Variants in HLX observed in about 807,000 individuals in gnomAD.
HLX encodes the protein H2.0 like homeobox, also known as H2.0-like homeobox protein.
HLX carries 6 observed loss-of-function variants against 27.7 expected under a neutral mutation model. The observed-to-expected ratio is 0.22, with a 90% CI of 0.12 to 0.43. HLX has a LOEUF of 0.43. HLX is among the 20% of genes least tolerant of loss of function. HLX has a pLI of 1.00. For missense variants in HLX, 666 were observed against 655.2 expected (o/e 1.02, Z -0.18); for synonymous variants, 328 against 293.8 (o/e 1.12, Z -1.19).
chr1:220,883,772 A>C, intron 3 of HLX: 1 of 186,704 alleles, frequency 5.4e-6, no homozygotes, highest in Non-Finnish European at 1.1e-5. Flanking sequence ...ATTGTAAGCA[A>C]TATCTTGGGC....
At position 220,879,713 on chromosome 1, in the gene HLX, C is replaced by T; in HGVS notation, c.-145C>T. On this transcript the variant is annotated 5_prime_UTR_variant, in exon 1 of 4. Coordinates refer to ENST00000366903, the MANE Select transcript of HLX (RefSeq NM_021958.4). The stretch of plus-strand genomic sequence containing the variant: ...CCCTCGGTGGCGCTAGGGCTCCCGG[C>T]CTCTCTTCCTCAGTGCGGGCGGAGA... 7.9e-7 allele frequency: 1 copy of T among 1,271,432 alleles called. No individual in the cohort carries two copies. The allele number at this position is 1,271,432 out of a possible 1,614,324, so 78.8% of individuals were successfully genotyped here. A position where few individuals can be genotyped will look rare whatever the true frequency, so the allele number is the denominator to read the frequency against.
chr1:220,882,608 A>C (rs1674481007), intron 3 of HLX: 1 of 502,812 alleles, frequency 2.0e-6, no homozygotes, highest in Non-Finnish European at 3.6e-6. Flanking sequence ...TTTGGCCAAC[A>C]GGCTAAAGAA....
chr1:220,881,139 G>GT (rs1674427941), intron 1 of HLX, 55 bp from the exon 2 acceptor site: 1 of 1,461,652 alleles, frequency 6.8e-7, no homozygotes, highest in African/African-American at 1.4e-5. Flanking sequence ...ACAAATCAGC[G>GT]GAGAGTGTGA....
chr1:220,881,273 C>T lies in HLX; in HGVS notation c.672C>T (p.Phe224=). The T allele has an allele frequency of 6.2e-7, 1 of 1,614,134 alleles. No homozygotes were observed. Among genetic ancestry groups the T allele is most frequent in the Non-Finnish European group, 8.5e-7 (1 of 1,179,926 alleles). The change falls in exon 2 of 4, where the codon TTC becomes TTT. Residue 224 remains phenylalanine (F), a synonymous_variant. Coordinates refer to ENST00000366903, the MANE Select transcript of HLX (RefSeq NM_021958.4). ...TGCAGCCCTCGGCCGGCCAGTTCTT[C>T]GCATCTCTAGATCCCATTAACGAGG... is the stretch of plus-strand genomic sequence containing the variant. ...SGLQPSAGQF[F]ASLDPINEAS... is the part of the protein sequence containing the mutation.
intron 2 of HLX, 175 bp downstream of exon 2, chr1:220,881,548 A>T (rs1450901211): frequency 1.5e-6 from 1 of 683,036 alleles, no homozygotes; most frequent in East Asian, 2.8e-5. Context: ...CTCGCTTCGG[A>T]TGGTTCCCCT....
chr1:220,881,291 T>C lies in HLX; in HGVS notation c.690T>C (p.Ile230=), dbSNP rs755377116. 1 of 1,614,080 alleles carries C rather than the reference T, an allele frequency of 6.2e-7. No homozygotes were observed. Among genetic ancestry groups the C allele is most frequent in the South Asian group, 1.1e-5 (1 of 91,082 alleles). Residue 230 remains isoleucine (I), a synonymous_variant, in exon 2 of 4, where the codon ATT becomes ATC. Coordinates refer to ENST00000366903, the MANE Select transcript of HLX (RefSeq NM_021958.4). ...AGQFFASLDP[I]NEASAILSPL... ...AGTTCTTCGCATCTCTAGATCCCAT[T>C]AACGAGGCTTCTGCAATCCTGAGTC...
At chr1:220,881,640 G>A in intron 2 of HLX, 1 of 547,204 alleles carries the variant, frequency 1.8e-6, no homozygotes, top group Non-Finnish European at 3.3e-6. Flanking sequence ...AAGTCTTTTC[G>A]CCCCAGAGGG....
chr1:220,881,142 G>A (rs754366570), intron 1 of HLX, 52 bp from the exon 2 acceptor site: 4 of 1,467,112 alleles, frequency 2.7e-6, no homozygotes, highest in African/African-American at 1.4e-5. Flanking sequence ...AATCAGCGGA[G>A]AGTGTGAGTG....
At position 220,882,563 on chromosome 1, in the gene HLX, C is replaced by T. The variant is rs964548254; in HGVS notation, c.957+215C>T. 4 of 578,726 alleles carry T rather than the reference C, an allele frequency of 6.9e-6. No homozygotes were observed. The African/African-American group carries it at 7.5e-5, about 11-fold the overall frequency. The allele number at this position is 578,726 out of a possible 1,614,324, so 35.8% of individuals were successfully genotyped here. A position where few individuals can be genotyped will look rare whatever the true frequency, so the allele number is the denominator to read the frequency against. On this transcript the variant is annotated intron_variant, in intron 3 of 3. Coordinates refer to ENST00000366903, the MANE Select transcript of HLX (RefSeq NM_021958.4). ...AGAAGGACCGAGAGAAGAGCTCATC[C>T]CCAAGATGTGTGTCAACAAGCACTG...
chr1:220,880,422 A>G lies in HLX; in HGVS notation c.565A>G (p.Lys189Glu). Residue 189 changes from lysine (K) to glutamate (E), a missense_variant, in exon 1 of 4, where the codon AAA becomes GAA. Coordinates refer to ENST00000366903, the MANE Select transcript of HLX (RefSeq NM_021958.4). The stretch of plus-strand genomic sequence containing the variant: ...CATTTTATCTGCAGAATTTGACCCA[A>G]AAGTCAAAGAAGGCAACACGCTGAG... ...DRILSAEFDP[K>E]VKEGNTLRDL... The G allele has an allele frequency of 6.2e-7, 1 of 1,613,926 alleles. No homozygotes were observed. The highest frequency in any genetic ancestry group is 8.5e-7 in the Non-Finnish European group (1 of 1,180,038).
intron 2 of HLX, 108 bp downstream of exon 2, chr1:220,881,481 G>A: frequency 1.1e-6 from 1 of 937,608 alleles, no homozygotes; most frequent in Non-Finnish European, 1.7e-6. Context: ...TCACAATTGG[G>A]GCGGGAGGCT....
intron 3 of HLX, chr1:220,882,638 G>A (rs989527921): frequency 4.5e-6 from 2 of 440,448 alleles, no homozygotes; most frequent in East Asian, 8.2e-5. Context: ...AAGCAAAAGG[G>A]CCGCTGGAAA....
rs1360450524 is a variant in HLX, at chr1:220,884,689, G to A, written c.1452G>A (p.Ala484=). The A allele has an allele frequency of 1.2e-6, 2 of 1,609,656 alleles. No individual in the cohort carries two copies. Among genetic ancestry groups the A allele is most frequent in the Non-Finnish European group, 1.7e-6 (2 of 1,179,480 alleles). ...AAAGCCCCGAGCCAGCCCAAGGCGC[G>A]CTTGGCTGCTTATAGACTGTACTAG... ...APKSPEPAQG[A]LGCL The change falls in exon 4 of 4, where the codon GCG becomes GCA. Residue 484 remains alanine, a synonymous_variant. Transcript: ENST00000366903. The surrounding 1 kb of genome is among the most constrained non-coding windows in gnomAD (Gnocchi z 4.9).
chr1:220,879,479 T>G lies in HLX; in HGVS notation c.-379T>G. The G allele has an allele frequency of 1.7e-5, 4 of 229,770 alleles. No homozygotes were observed. The highest frequency in any genetic ancestry group is 2.3e-5 in the African/African-American group (1 of 43,710). The allele number at this position is 229,770 out of a possible 1,614,324, so 14.2% of individuals were successfully genotyped here. A position where few individuals can be genotyped will look rare whatever the true frequency, so the allele number is the denominator to read the frequency against. On this transcript the variant is annotated 5_prime_UTR_variant, in exon 1 of 4. It adds an upstream start codon to the 5' untranslated region. Transcript: ENST00000366903. ...CCCCCCCTAACTAACGGACTATTAT[T>G]GTTGTTGTTTTAAATTTAGCTCTTA...
intron 2 of HLX, 109 bp downstream of exon 2, chr1:220,881,482 G>A (rs1674436610): frequency 2.1e-6 from 2 of 935,876 alleles, no homozygotes; most frequent in East Asian, 2.4e-5. Context: ...CACAATTGGG[G>A]CGGGAGGCTA....
At chr1:220,883,908 T>C (rs751639014) in intron 3 of HLX, 1 of 503,054 alleles carries the variant, frequency 2.0e-6, no homozygotes. Context: ...TGCAGGAATC[T>C]GCCTTTCCAA....
In HLX at chr1:220,880,067, C is replaced by T. The variant is rs1674389312; in HGVS notation, c.210C>T (p.Ala70=). The change falls in exon 1 of 4, where the codon GCC becomes GCT. Residue 70 remains alanine, a synonymous_variant. Coordinates refer to ENST00000366903, the MANE Select transcript of HLX (RefSeq NM_021958.4). The part of the protein sequence containing the change: ...APEGLAGASA[A]ALTAHLGSVH... ...AGGGCCTGGCAGGGGCCTCGGCCGC[C>T]GCCCTCACCGCGCACTTGGGCTCGG... The T allele has an allele frequency of 6.3e-7, 1 of 1,588,972 alleles. No homozygotes were observed. Among genetic ancestry groups the T allele is most frequent in the African/African-American group, 1.3e-5 (1 of 74,394 alleles).
intron 2 of HLX, chr1:220,881,833 CT>C (rs1305083125): frequency 1.2e-5 from 5 of 423,370 alleles, no homozygotes; most frequent in African/African-American, 1.0e-4. Flanking sequence ...CAATTCAGGG[CT>C]GTCATCATTC....
In HLX at chr1:220,879,631, T is replaced by G; in HGVS notation, c.-227T>G. 4.5e-6 allele frequency: 3 copies of G among 667,090 alleles called. No homozygotes were observed. The highest frequency in any genetic ancestry group is 6.9e-6 in the Non-Finnish European group (3 of 433,180). The allele number at this position is 667,090 out of a possible 1,614,324, so 41.3% of individuals were successfully genotyped here. A position where few individuals can be genotyped will look rare whatever the true frequency, so the allele number is the denominator to read the frequency against. ...GAGGAGTGCGGGCGCCGCGCCGCCTTTAAAGCGAGGCCAGGGAGCGAGGCG... is the reference window on the plus strand; with the variant it reads ...GAGGAGTGCGGGCGCCGCGCCGCCTGTAAAGCGAGGCCAGGGAGCGAGGCG... On this transcript the variant is annotated 5_prime_UTR_variant, in exon 1 of 4. Transcript: ENST00000366903.
Sources: allele counts gnomAD v4.1 joint callset, GRCh38; gene constraint gnomAD v4.1.1; non-coding constraint Gnocchi (gnomAD v3.1); transcripts MANE v1.5; gene names NCBI Gene and HGNC (gene_info 2026-07-23, HGNC 2026-07-21).